The following SPOCD1 variants were observed in gnomAD, a reference collection of about 807,000 sequenced individuals.
SPOCD1 encodes the protein SPOC domain-containing protein 1.
Under a neutral mutation model 92.2 loss-of-function variants are expected in SPOCD1, and 64 were observed. The observed-to-expected ratio is 0.69, with a 90% CI of 0.57 to 0.86. The LOEUF (loss-of-function observed/expected upper bound fraction) is 0.86, where lower values mean the gene tolerates loss of function less well. Ranked by LOEUF, SPOCD1 falls within the 40% of genes least tolerant of loss-of-function variation. The pLI, the probability that SPOCD1 is intolerant of heterozygous loss-of-function variation, is 0.00. For synonymous variants in SPOCD1, 578 were observed against 619.3 expected, an observed-to-expected ratio of 0.93 and a Z score of 0.99; for missense variants, 1,360 against 1,543.1, an observed-to-expected ratio of 0.88 and a Z score of 1.99.
chr1:31,800,280 G>T, intron 4 of SPOCD1, 139 bp from the exon 5 acceptor site: 1 of 1,464,036 alleles, frequency 6.8e-7, no homozygotes, highest in Non-Finnish European at 9.1e-7. Context: ...TACACATGGA[G>T]CCCAGGCCAG....
At chr1:31,801,896 AG>A (rs1648492558) in intron 2 of SPOCD1, among the ~76,000 whole-genome samples, 191 bp from the exon 3 acceptor site, 1 of 152,202 alleles carries the variant, frequency 6.6e-6, no homozygotes, top group Non-Finnish European at 1.5e-5. Context: ...GGCCAGGTGC[AG>A]TGGCTCACGC....
Position 31,798,330 on chromosome 1 carries a change from G to C in SPOCD1, c.2029-7C>G. ...CCACTTTGAGAAACAAGTCCTGGTG[G>C]GGGCAGGGGGCAGGGCTGCACCACA... is the stretch of plus-strand genomic sequence containing the variant. On this transcript the variant is annotated splice_polypyrimidine_tract_variant and splice_region_variant and intron_variant, in intron 8 of 15. Transcript: ENST00000360482. The surrounding 1 kb of genome is among the most constrained non-coding windows in gnomAD (Gnocchi z 4.1). 6.2e-7 allele frequency: 1 copy of C among 1,608,972 alleles called. No homozygotes were observed. Among genetic ancestry groups the C allele is most frequent in the Non-Finnish European group, 8.5e-7 (1 of 1,176,658 alleles).
At chr1:31,815,690 A>C (rs1570220288) in intron 1 of SPOCD1, 1 of 183,704 alleles carries the variant, frequency 5.4e-6, no homozygotes, top group Admixed American at 6.2e-5. Context: ...ATTTCATTTC[A>C]TACTGGCAGC....
At position 31,791,067 on chromosome 1, in the gene SPOCD1, G is replaced by C; in HGVS notation, c.3187C>G (p.Pro1063Ala). The C allele has an allele frequency of 6.2e-7, 1 of 1,612,992 alleles. No individual in the cohort carries two copies. Among genetic ancestry groups the C allele is most frequent in the Middle Eastern group, 1.6e-4 (1 of 6,062 alleles). Reference protein sequence around the residue: ...RRPNVPLKGTPPPGGAWQQSQ... With the variant: ...RRPNVPLKGTAPPGGAWQQSQ... ...TGCTGCCAGGCACCTCCTGGGGGAG[G>C]GGTGCCCTTCAGGGGCACATTCGGC... Residue 1063 changes from proline (P) to alanine (A), a missense_variant, in exon 16 of 16, where the codon CCT becomes GCT. Coordinates refer to ENST00000360482, the MANE Select transcript of SPOCD1 (RefSeq NM_144569.7).
chr1:31,801,753 A>G, intron 2 of SPOCD1, 48 bp from the exon 3 acceptor site: 1 of 1,481,710 alleles, frequency 6.7e-7, no homozygotes, highest in Non-Finnish European at 9.4e-7. Flanking sequence ...GGACCCAGCC[A>G]CCCCATGGCA....
At chr1:31,795,422 T>A (rs1647935382) in intron 10 of SPOCD1, 1 of 152,212 alleles carries the variant, frequency 6.6e-6, no homozygotes, top group Admixed American at 6.5e-5. Flanking sequence ...CATTGTGAGA[T>A]GTGAATGAGA....
At chr1:31,794,051 C>G (rs373958823) in intron 11 of SPOCD1, 73 bp downstream of exon 11, 4 of 1,540,232 alleles carry the variant, frequency 2.6e-6, no homozygotes, top group South Asian at 2.3e-5. Context: ...CCACAAATCC[C>G]TGTTGCTGCT....
In SPOCD1 at chr1:31,815,448, AG is replaced by A; in HGVS notation, c.-39-77del. 4 of 1,095,676 alleles carry A rather than the reference AG, an allele frequency of 3.7e-6. No homozygotes were observed. In the South Asian group the frequency reaches 8.1e-5, roughly 22 times the overall value. The allele number at this position is 1,095,676 out of a possible 1,614,324, so 67.9% of individuals were successfully genotyped here. The stretch of plus-strand genomic sequence containing the variant: ...AGCCCGTTCAGTGGGAACTGGGAGG[AG>A]CCCCTCTTCCAGCCAGCTCTCCCAG... On this transcript the variant is annotated intron_variant, in intron 1 of 15. Coordinates refer to ENST00000360482, the MANE Select transcript of SPOCD1 (RefSeq NM_144569.7).
At position 31,791,232 on chromosome 1, in the gene SPOCD1, TTGAG is replaced by T. The variant is rs765965828; in HGVS notation, c.3018_3021del (p.His1006GlnfsTer53). 6.3e-6 allele frequency: 10 copies of T among 1,593,652 alleles called. No individual in the cohort carries two copies. Among genetic ancestry groups the T allele is most frequent in the South Asian group, 1.1e-5 (1 of 88,596 alleles). On this transcript the variant is annotated frameshift_variant, in exon 16 of 16. Transcript: ENST00000360482. LOFTEE classifies it low-confidence loss of function (END_TRUNC). ...GGGAGCAGCACAGCCAGCAACAGAC[TTGAG>T]TGAGTGACCTCCAGACCTGGGGAAA...
rs754275906 is a variant in SPOCD1 at position 31,796,644 on chromosome 1, G to A, written c.2217C>T (p.Gly739=). The part of the protein sequence containing the change: ...RLPASKMTHK[G]EVEIQRDMDQ... ...CCATGTCCCGCTGAATCTCCACTTCGCCCTTGTGGGTCATTTTGGAGGCTG... is the reference window on the plus strand; with the variant it reads ...CCATGTCCCGCTGAATCTCCACTTCACCCTTGTGGGTCATTTTGGAGGCTG... The change falls in exon 10 of 16, where the codon GGC becomes GGT. Residue 739 remains glycine, a synonymous_variant. Transcript: ENST00000360482. 7.4e-6 allele frequency: 12 copies of A among 1,614,104 alleles called. No individual in the cohort carries two copies. Among genetic ancestry groups the A allele is most frequent in the South Asian group, 2.2e-5 (2 of 91,092 alleles).
At position 31,800,188 on chromosome 1, in the gene SPOCD1, G is replaced by C. The variant is rs753784579; in HGVS notation, c.1603-47C>G. ...GCTATTGGCCGGAAATGGAGGCCAG[G>C]GACTGTTCCCTCCCCAGATGTACTG... On this transcript the variant is annotated intron_variant, in intron 4 of 15. Transcript: ENST00000360482. 3.7e-5 allele frequency: 57 copies of C among 1,538,780 alleles called. 1 individual carries two copies. The Middle Eastern group carries it at 7.0e-4, about 19-fold the overall frequency.
chr1:31,799,532 G>C, intron 6 of SPOCD1, 47 bp from the exon 7 acceptor site: 1 of 1,535,018 alleles, frequency 6.5e-7, no homozygotes, highest in Non-Finnish European at 8.9e-7. Context: ...CCAGGGGAAA[G>C]GGGAGGGGGC....
intron 10 of SPOCD1, chr1:31,796,098 C>T (rs1325845806): frequency 8.1e-6 from 2 of 246,948 alleles, no homozygotes; most frequent in African/African-American, 2.3e-5. Context: ...ACTATTGTCA[C>T]TCCCGTTGGC....
chr1:31,803,877 G>A (rs1648640850), intron 2 of SPOCD1, among the ~76,000 whole-genome samples: 1 of 151,622 alleles, frequency 6.6e-6, no homozygotes, highest in Non-Finnish European at 1.5e-5. Flanking sequence ...AAGAAGGAAG[G>A]AAGGAAGAAA....
In SPOCD1 at chr1:31,800,155, G is replaced by A. The variant is rs1402930532; in HGVS notation, c.1603-14C>T. ...AGGCTGGAAAACCTTGGGGCAGGGA[G>A]CAGACAAGCTATTGGCCGGAAATGG... On this transcript the variant is annotated splice_polypyrimidine_tract_variant and intron_variant, in intron 4 of 15. Transcript: ENST00000360482. 6.3e-7 allele frequency: 1 copy of A among 1,585,764 alleles called. No homozygotes were observed. The highest frequency in any genetic ancestry group is 2.3e-5 in the East Asian group (1 of 43,544).
chr1:31,790,730 AT>A lies in SPOCD1; in HGVS notation c.3523del (p.Ile1175SerfsTer53). 6.4e-7 allele frequency: 1 copy of A among 1,551,790 alleles called. No homozygotes were observed. The highest frequency in any genetic ancestry group is 8.7e-7 in the Non-Finnish European group (1 of 1,147,082). ...AGACAAACGCTGCAGAGGGCGGGGG[AT>A]GGAGCTCTTGGTCTGGGGGCACAGT... ...ALLCPQTKSS[I>X]PRPLQRLSSA... On this transcript the variant is annotated frameshift_variant, in exon 16 of 16. Transcript: ENST00000360482. LOFTEE classifies it low-confidence loss of function (END_TRUNC).
chr1:31,814,206 CAGCCTTCCCCTGGAAGCTGGCTG>C lies in SPOCD1; in HGVS notation c.1105_1127del (p.Gln369GlyfsTer9). ...CAGCGGGGGCAGCGAGTCCTTGCTC[CAGCCTTCCCCTGGAAGCTGGCTG>C]AGCCTTGGCCTCCAGCTCCTCCTGG... On this transcript the variant is annotated frameshift_variant, in exon 2 of 16. Transcript: ENST00000360482. LOFTEE classifies it high-confidence loss of function. This position sits in a 1 kb window ranked among gnomAD's most constrained non-coding sequence, Gnocchi z 4.2. 1 of 1,575,336 alleles carries C rather than the reference CAGCCTTCCCCTGGAAGCTGGCTG, an allele frequency of 6.3e-7. No homozygotes were observed. Among genetic ancestry groups the C allele is most frequent in the South Asian group, 1.1e-5 (1 of 87,530 alleles).
In SPOCD1 at chr1:31,800,030, G is replaced by C. The variant is rs1213836621; in HGVS notation, c.1714C>G (p.Pro572Ala). Residue 572 changes from proline (P) to alanine (A), a missense_variant, in exon 5 of 16, where the codon CCT becomes GCT. This residue lies in a region of SPOCD1 where 606 missense variants were observed against 601.5 expected (regional missense o/e 1.01). Coordinates refer to ENST00000360482, the MANE Select transcript of SPOCD1 (RefSeq NM_144569.7). ...SLALGDPSSDPACSQSGPMEA... is the reference protein window; with the variant it reads ...SLALGDPSSDAACSQSGPMEA... ...GAACAACTTGCCTGGGAACATGCAG[G>C]GTCCGAGCTGGGGTCGCCAAGGGCC... 2 of 1,611,778 alleles carry C rather than the reference G, an allele frequency of 1.2e-6. No individual in the cohort carries two copies. Among genetic ancestry groups the C allele is most frequent in the Admixed American group, 1.7e-5 (1 of 59,328 alleles).
At chr1:31,802,176 G>A (rs1648514810) in intron 2 of SPOCD1, among the ~76,000 whole-genome samples, 1 of 152,002 alleles carries the variant, frequency 6.6e-6, no homozygotes, top group South Asian at 2.1e-4. Flanking sequence ...TCAAAAAAAA[G>A]GCCCATCAAA....
Sources: allele counts gnomAD v4.1 joint callset (sites outside exome capture counted in the v4.1 genomes callset), GRCh38; gene constraint gnomAD v4.1.1; regional missense constraint gnomAD v4.1.1; non-coding constraint Gnocchi (gnomAD v3.1); transcripts MANE v1.5; gene names NCBI Gene and HGNC (gene_info 2026-07-23, HGNC 2026-07-21).